The following EFCAB6 variants were observed in gnomAD, a reference collection of about 807,000 sequenced individuals.
The protein encoded by EFCAB6 is EF-hand calcium binding domain 6.
A neutral mutation model predicts 169.8 loss-of-function variants in EFCAB6; 156 were observed. The observed-to-expected ratio is 0.92, with a 90% confidence interval of 0.81 to 1.05. EFCAB6 has a LOEUF of 1.05. Among genes scored for constraint, EFCAB6 ranks in the 50% least tolerant of loss-of-function variants. The pLI, the probability that EFCAB6 is intolerant of heterozygous loss-of-function variation, is 0.00. For missense variants in EFCAB6, 1,800 were observed against 1,829.1 expected, an observed-to-expected ratio of 0.98 and a Z score of 0.29; for synonymous variants, 698 against 676.4, an observed-to-expected ratio of 1.03 and a Z score of -0.50.
At chr22:43,724,768 C>A (rs1172408917) in intron 8 of EFCAB6, among the ~76,000 whole-genome samples, 1 of 152,188 alleles carries the variant, frequency 6.6e-6, no homozygotes, top group Non-Finnish European at 1.5e-5. Context: ...TAAGCCCTCA[C>A]CAGAATCACC....
chr22:43,551,090 G>A (rs1485741123), intron 27 of EFCAB6, among the ~76,000 whole-genome samples: 1 of 152,214 alleles, frequency 6.6e-6, no homozygotes, highest in Admixed American at 6.5e-5. Flanking sequence ...GAAATATGGA[G>A]TTAAGTGTAA....
chr22:43,799,992 T>C (rs1159488571), intron 2 of EFCAB6, among the ~76,000 whole-genome samples: 1 of 152,036 alleles, frequency 6.6e-6, no homozygotes, highest in Non-Finnish European at 1.5e-5. Context: ...CCTTAATCCA[T>C]CACAAGTGCC....
rs1261971178 is a variant in EFCAB6 at position 43,534,188 on chromosome 22, TC to T, written c.4233+499del. On this transcript the variant is annotated intron_variant, in intron 30 of 31. Coordinates refer to ENST00000262726, the MANE Select transcript of EFCAB6 (RefSeq NM_022785.4). ...GAGGTGATTGGATCATGGGGGAGGT[TC>T]CCCCTTGCTGTTCTTGTGAGAGTGA... Among the ~76,000 whole-genome samples, 7 of 152,016 alleles carry T rather than the reference TC, an allele frequency of 4.6e-5. No homozygotes were observed. The East Asian group carries it at 1.3e-3, about 29-fold the overall frequency.
chr22:43,583,274 T>C (rs1296337049), intron 24 of EFCAB6, among the ~76,000 whole-genome samples: 1 of 151,528 alleles, frequency 6.6e-6, no homozygotes, highest in Admixed American at 6.6e-5. Context: ...TTGTTTACTC[T>C]TCCCCATTAA....
intron 2 of EFCAB6, among the ~76,000 whole-genome samples, chr22:43,804,758 C>CAA (rs57008458): frequency 6.8e-4 from 86 of 127,058 alleles, no homozygotes; most frequent in Admixed American, 2.7e-3. Context: ...AGCCCTGCCT[C>CAA]AAAAAAAAAA....
intron 24 of EFCAB6, among the ~76,000 whole-genome samples, chr22:43,585,181 T>G (rs1425006048): frequency 1.3e-5 from 2 of 152,076 alleles, no homozygotes; most frequent in Non-Finnish European, 2.9e-5. Context: ...TTAAAATAAC[T>G]ATGGTTAATA....
chr22:43,550,571 C>G (rs1315240520), intron 27 of EFCAB6, among the ~76,000 whole-genome samples: 1 of 151,108 alleles, frequency 6.6e-6, no homozygotes, highest in East Asian at 2.0e-4. Context: ...ACTCGAGAGG[C>G]TGAGACAGGA....
At chr22:43,708,777 G>C (rs538537590) in intron 10 of EFCAB6, among the ~76,000 whole-genome samples, 1 of 128,126 alleles carries the variant, frequency 7.8e-6, no homozygotes, top group African/African-American at 2.6e-5. Flanking sequence ...CAGCTGACCA[G>C]GAACATATGA....
chr22:43,787,923 G>A (rs9626020), intron 2 of EFCAB6, among the ~76,000 whole-genome samples: 1 of 152,178 alleles, frequency 6.6e-6, no homozygotes, highest in Non-Finnish European at 1.5e-5. Context: ...CAATGGAATA[G>A]AATTGAGAGA....
At chr22:43,782,954 A>G (rs1569486233) in intron 2 of EFCAB6, among the ~76,000 whole-genome samples, 1 of 152,082 alleles carries the variant, frequency 6.6e-6, no homozygotes, top group Non-Finnish European at 1.5e-5. Flanking sequence ...CCCTGCCCCA[A>G]CAGCTTGGAT....
At chr22:43,769,538 T>G (rs1162609272) in intron 4 of EFCAB6, among the ~76,000 whole-genome samples, 1 of 152,086 alleles carries the variant, frequency 6.6e-6, no homozygotes, top group Admixed American at 6.5e-5. Context: ...CAATAAAGGG[T>G]GATGTGGAAA....
intron 22 of EFCAB6, among the ~76,000 whole-genome samples, chr22:43,603,796 T>G (rs2052708753): frequency 6.6e-6 from 1 of 152,250 alleles, no homozygotes; most frequent in African/African-American, 2.4e-5. Context: ...GGAGGTCTAA[T>G]GACTCAAATA....
At chr22:43,557,863 C>G (rs1403123027) in intron 26 of EFCAB6, among the ~76,000 whole-genome samples, 1 of 152,160 alleles carries the variant, frequency 6.6e-6, no homozygotes, top group Non-Finnish European at 1.5e-5. Context: ...ATTGGCAAAT[C>G]TTTCAATTCC....
At chr22:43,671,080 T>C (rs1234125200) in intron 15 of EFCAB6, among the ~76,000 whole-genome samples, 1 of 152,210 alleles carries the variant, frequency 6.6e-6, no homozygotes, top group Non-Finnish European at 1.5e-5. Context: ...AGCTGCACAG[T>C]CTCAGCTCCT....
At chr22:43,784,669 A>ATATGTG (rs765864691) in intron 2 of EFCAB6, among the ~76,000 whole-genome samples, 40 of 60,384 alleles carry the variant, frequency 6.6e-4, no homozygotes, top group African/African-American at 1.1e-3. Flanking sequence ...ATATACATAT[A>ATATGTG]CATATATACA....
intron 12 of EFCAB6, among the ~76,000 whole-genome samples, chr22:43,681,029 G>A (rs754118299): frequency 5.9e-5 from 9 of 152,252 alleles, no homozygotes; most frequent in East Asian, 1.9e-4. Flanking sequence ...TGACATTCTC[G>A]TGCTGTCCCT....
At chr22:43,533,812 T>C (rs1033269018) in intron 30 of EFCAB6, among the ~76,000 whole-genome samples, 5 of 151,980 alleles carry the variant, frequency 3.3e-5, no homozygotes, top group Non-Finnish European at 5.9e-5. Context: ...CTGAGTAGGG[T>C]CTATGGGGCA....
intron 8 of EFCAB6, among the ~76,000 whole-genome samples, chr22:43,725,660 C>T (rs1211115850): frequency 1.3e-5 from 2 of 152,166 alleles, no homozygotes; most frequent in African/African-American, 4.8e-5. Flanking sequence ...CACTTTAGGG[C>T]TAAAGTTTTG....
chr22:43,571,819 A>G (rs2049894070), intron 26 of EFCAB6, among the ~76,000 whole-genome samples: 1 of 152,074 alleles, frequency 6.6e-6, no homozygotes, highest in Admixed American at 6.6e-5. Flanking sequence ...CCCTTGCTCC[A>G]CGGTCACCCC....
Sources: gnomAD v4.1 joint callset for allele counts (sites outside exome capture counted in the v4.1 genomes callset) on GRCh38, gnomAD v4.1.1 for gene constraint, MANE v1.5 for transcripts, NCBI Gene and HGNC (gene_info 2026-07-23, HGNC 2026-07-21) for gene names.